Variants in ST3GAL1 observed in about 807,000 individuals in gnomAD.
ST3GAL1 encodes CMP-N-acetylneuraminate-beta-galactosamide-alpha-2,3-sialyltransferase 1.
In ST3GAL1, 16 loss-of-function variants were observed where a neutral mutation model predicts 34.1. That is an observed-to-expected ratio of 0.47 (90% CI 0.32 to 0.71). The LOEUF is 0.71. Among genes scored for constraint, ST3GAL1 ranks in the 30% least tolerant of loss-of-function variants. ST3GAL1 has a pLI of 0.04. For missense variants in ST3GAL1, 353 were observed against 447.4 expected (o/e 0.79, Z 1.90); for synonymous variants, 191 against 184.7 (o/e 1.03, Z -0.28).
chr8:133,459,685 G>A lies in ST3GAL1; in HGVS notation c.*79C>T, dbSNP rs1219152606. 2 of 1,517,084 alleles carry A rather than the reference G, an allele frequency of 1.3e-6. No homozygotes were observed. The highest frequency in any genetic ancestry group is 1.8e-6 in the Non-Finnish European group (2 of 1,126,768). The allele number at this position is 1,517,084 out of a possible 1,614,324, so 94.0% of individuals were successfully genotyped here. A position where few individuals can be genotyped will look rare whatever the true frequency, so the allele number is the denominator to read the frequency against. ...CTGAGGCTGCCCCTCCAAGCTCCGG[G>A]ATGGAACGGCTCCAGCAAGATGCTG... On this transcript the variant is annotated 3_prime_UTR_variant, in exon 10 of 10. Coordinates refer to ENST00000522652, the MANE Select transcript of ST3GAL1 (RefSeq NM_173344.3). The surrounding 1 kb of genome is among the most constrained non-coding windows in gnomAD (Gnocchi z 4.7).
chr8:133,506,045 CAAT>C (rs2131003209), intron 2 of ST3GAL1, among the ~76,000 whole-genome samples: 1 of 152,330 alleles, frequency 6.6e-6, no homozygotes, highest in African/African-American at 2.4e-5. Flanking sequence ...TGCACCAGCT[CAAT>C]TTCAAGTGCT....
intron 3 of ST3GAL1, among the ~76,000 whole-genome samples, chr8:133,496,015 G>A (rs1816935253): frequency 6.6e-6 from 1 of 152,124 alleles, no homozygotes; most frequent in Admixed American, 6.5e-5. Flanking sequence ...TTGACAGACG[G>A]ACAGATGGAT....
chr8:133,470,852 C>T (rs901866775), intron 5 of ST3GAL1, among the ~76,000 whole-genome samples: 1 of 152,138 alleles, frequency 6.6e-6, no homozygotes, highest in African/African-American at 2.4e-5. Flanking sequence ...CCCTGGGTGC[C>T]TCACCTCACC....
intron 5 of ST3GAL1, among the ~76,000 whole-genome samples, chr8:133,470,664 G>A (rs1285469476): frequency 6.6e-6 from 1 of 152,172 alleles, no homozygotes; most frequent in African/African-American, 2.4e-5. Context: ...AGGTGTCCAT[G>A]GTGGGTGCTG....
rs1243400532 is a variant in ST3GAL1, at chr8:133,541,118, T to TAGAG, written c.-429+4655_-429+4656insCTCT. Reference sequence around the variant, plus strand: ...AAACATATATATATATATATATATATATAGAGAGAGAGAGAGAGAGAGAGA... The same window carrying TAGAG: ...AAACATATATATATATATATATATATAGAGATAGAGAGAGAGAGAGAGAGAGAGA... On this transcript the variant is annotated intron_variant, in intron 2 of 9. Transcript: ENST00000522652. 3.5e-3 allele frequency among the ~76,000 whole-genome samples: 182 copies of TAGAG among 52,124 alleles called. 19 individuals carry two copies. The highest frequency in any genetic ancestry group is 8.2e-3 in the African/African-American group (83 of 10,106). The allele number at this position is 52,124 out of a possible 152,430, so 34.2% of individuals were successfully genotyped here.
In ST3GAL1 at chr8:133,518,719, A is replaced by G. The variant is rs76173082; in HGVS notation, c.-428-19530T>C. ...GCAAGGACTCTAAAACCCAAAAGCTACATTTGCTCAGCAGTACTATGCGCC... is the reference window on the plus strand; with the variant it reads ...GCAAGGACTCTAAAACCCAAAAGCTGCATTTGCTCAGCAGTACTATGCGCC... On this transcript the variant is annotated intron_variant, in intron 2 of 9. Transcript: ENST00000522652. Among the ~76,000 whole-genome samples the G allele has an allele frequency of 4.1e-3, 630 of 152,342 alleles. 13 individuals are homozygous for G. In the East Asian group the frequency reaches 0.05, roughly 12 times the overall value.
At chr8:133,524,537 G>A (rs1817905713) in intron 2 of ST3GAL1, among the ~76,000 whole-genome samples, 1 of 152,246 alleles carries the variant, frequency 6.6e-6, no homozygotes, top group Non-Finnish European at 1.5e-5. Flanking sequence ...GGCCCAACAG[G>A]TTGTGCTCAG....
chr8:133,507,330 A>G (rs1817374222), intron 2 of ST3GAL1, among the ~76,000 whole-genome samples: 1 of 152,254 alleles, frequency 6.6e-6, no homozygotes, highest in Admixed American at 6.5e-5. Context: ...GCCTGGAGAA[A>G]GAGAAAGAAC....
chr8:133,551,309 A>C (rs1818828215), intron 1 of ST3GAL1, among the ~76,000 whole-genome samples: 2 of 152,066 alleles, frequency 1.3e-5, no homozygotes, highest in South Asian at 4.1e-4. Flanking sequence ...CTCTACTAAA[A>C]ATACAAAAAT....
At chr8:133,481,082 A>G (rs903140794) in intron 3 of ST3GAL1, among the ~76,000 whole-genome samples, 1 of 151,516 alleles carries the variant, frequency 6.6e-6, no homozygotes, top group Non-Finnish European at 1.5e-5. Context: ...GTGTATTTCT[A>G]TTGTCTATTT....
At chr8:133,481,171 A>G (rs746914822) in intron 3 of ST3GAL1, among the ~76,000 whole-genome samples, 16 of 152,216 alleles carry the variant, frequency 1.1e-4, no homozygotes, top group Non-Finnish European at 2.2e-4. Context: ...GTGTATGACA[A>G]AAATGCAGAG....
intron 1 of ST3GAL1, among the ~76,000 whole-genome samples, chr8:133,568,936 A>G (rs1819483521): frequency 6.6e-6 from 1 of 152,176 alleles, no homozygotes; most frequent in Non-Finnish European, 1.5e-5. Flanking sequence ...GCGACAGCCA[A>G]TGCTGTGAGC....
intron 1 of ST3GAL1, among the ~76,000 whole-genome samples, chr8:133,569,731 C>T (rs1819508943): frequency 6.6e-6 from 1 of 152,158 alleles, no homozygotes. Flanking sequence ...GACCCCCGCA[C>T]TGGGCGCCCC....
chr8:133,525,880 G>C (rs1055777554), intron 2 of ST3GAL1, among the ~76,000 whole-genome samples: 3 of 152,146 alleles, frequency 2.0e-5, no homozygotes, highest in South Asian at 2.1e-4. Flanking sequence ...TGACAGGGGG[G>C]CTTCCTGGGT....
At position 133,570,068 on chromosome 8, in the gene ST3GAL1, A is replaced by T. The variant is rs1402007690; in HGVS notation, c.-582+1625T>A. On this transcript the variant is annotated intron_variant, in intron 1 of 9. Transcript: ENST00000522652. This position sits in a 1 kb window ranked among gnomAD's most constrained non-coding sequence, Gnocchi z 5.6. Reference sequence around the variant, plus strand: ...ACTGCGTTAGCACCTACGACGTGCCAGGCGCCCTGGCGACTATTGGAAAAC... The same window carrying T: ...ACTGCGTTAGCACCTACGACGTGCCTGGCGCCCTGGCGACTATTGGAAAAC... 1 of 152,316 alleles carries T rather than the reference A, an allele frequency of 6.6e-6. No individual in the cohort carries two copies. Among genetic ancestry groups the T allele is most frequent in the Non-Finnish European group, 1.5e-5 (1 of 68,096 alleles). 9.4% of individuals were successfully genotyped at this position (152,316 alleles called of 1,614,324 possible). A position where few individuals can be genotyped will look rare whatever the true frequency, so the allele number is the denominator to read the frequency against.
chr8:133,539,022 G>A (rs1366814430), intron 2 of ST3GAL1, among the ~76,000 whole-genome samples: 1 of 152,154 alleles, frequency 6.6e-6, no homozygotes, highest in Non-Finnish European at 1.5e-5. Context: ...ATCTATGTGT[G>A]TGGGGTTGTT....
chr8:133,498,302 C>T (rs372583209), intron 3 of ST3GAL1, among the ~76,000 whole-genome samples: 77 of 152,354 alleles, frequency 5.1e-4, no homozygotes, highest in East Asian at 5.0e-3. Flanking sequence ...AACAGCAAAG[C>T]GCTCAGCACT....
intron 1 of ST3GAL1, chr8:133,567,148 G>A (rs1819427203): frequency 1.3e-5 from 2 of 152,198 alleles, no homozygotes; most frequent in African/African-American, 4.8e-5. Flanking sequence ...TCAAGGTGGA[G>A]GGAACCTTTC....
intron 7 of ST3GAL1, among the ~76,000 whole-genome samples, chr8:133,464,417 G>A (rs1374840067): frequency 6.6e-6 from 1 of 152,116 alleles, no homozygotes; most frequent in African/African-American, 2.4e-5. Context: ...GCTCACATAA[G>A]TTTGAAAAAT....
Sources: gnomAD v4.1 joint callset for allele counts (sites outside exome capture counted in the v4.1 genomes callset) on GRCh38, gnomAD v4.1.1 for gene constraint, Gnocchi (gnomAD v3.1) non-coding constraint, MANE v1.5 for transcripts, NCBI Gene and HGNC (gene_info 2026-07-23, HGNC 2026-07-21) for gene names.